Variants in FCRL5 observed in about 807,000 individuals in gnomAD.
The protein encoded by FCRL5 is Fc receptor-like protein 5.
Under a neutral mutation model 92.1 loss-of-function variants are expected in FCRL5, and 79 were observed. That is an observed-to-expected ratio of 0.86 (90% confidence interval 0.72 to 1.03). The LOEUF (loss-of-function observed/expected upper bound fraction) is 1.03, where lower values mean the gene tolerates loss of function less well. FCRL5 is among the 50% of genes least tolerant of loss of function. FCRL5 has a pLI of 0.00. For missense variants in FCRL5, 1,160 were observed against 1,181.1 expected, an observed-to-expected ratio of 0.98 and a Z score of 0.26; for synonymous variants, 466 against 469.3, an observed-to-expected ratio of 0.99 and a Z score of 0.09.
chr1:157,552,005 A>G (rs1651840830), intron 1 of FCRL5, among the ~76,000 whole-genome samples: 2 of 152,240 alleles, frequency 1.3e-5, no homozygotes, highest in Non-Finnish European at 2.9e-5. Flanking sequence ...GGGCTCTTCT[A>G]TGAGTAAGAC....
chr1:157,527,791 T>C lies in FCRL5; in HGVS notation c.1786A>G (p.Ile596Val), dbSNP rs986999398. 8 of 1,613,924 alleles carry C rather than the reference T, an allele frequency of 5.0e-6. No individual in the cohort carries two copies. Among genetic ancestry groups the C allele is most frequent in the East Asian group, 2.2e-5 (1 of 44,872 alleles). The change falls in exon 9 of 17, where the codon ATC becomes GTC. Residue 596 changes from isoleucine (I) to valine (V), a missense_variant. By Grantham distance (29) the Ile-to-Val change is conservative. Coordinates refer to ENST00000361835, the MANE Select transcript of FCRL5 (RefSeq NM_031281.3). ...TCCTCATGATAAAACCAGTACAGGA[T>C]TGGGGGAGAGCCTCTCGGGGCCTCA... ...HCEAPRGSPP[I>V]LYWFYHEDVT...
chr1:157,547,053 A>G lies in FCRL5; in HGVS notation c.197T>C (p.Ile66Thr). 3.1e-6 allele frequency: 5 copies of G among 1,614,112 alleles called. No homozygotes were observed. Among genetic ancestry groups the G allele is most frequent in the Non-Finnish European group, 4.2e-6 (5 of 1,180,020 alleles). ...GATATTGTCTGGGGTTTCTCTTAGT[A>G]TTTCTTTCCCAAGGTACCGATGGTA... is the stretch of plus-strand genomic sequence containing the variant. ...KWYHRYLGKE[I>T]LRETPDNILE... Residue 66 changes from isoleucine to threonine, a missense_variant, in exon 3 of 17, where the codon ATA (isoleucine) becomes ACA (threonine). By Grantham distance (89) the Ile-to-Thr change is moderately conservative. Transcript: ENST00000361835.
intron 8 of FCRL5, among the ~76,000 whole-genome samples, chr1:157,529,702 A>G (rs1475179326): frequency 6.6e-6 from 1 of 152,210 alleles, no homozygotes; most frequent in Non-Finnish European, 1.5e-5. Flanking sequence ...CCATTATTCT[A>G]AGTAACTCAG....
intron 6 of FCRL5, among the ~76,000 whole-genome samples, chr1:157,540,611 A>G (rs1313922765): frequency 6.6e-6 from 1 of 151,696 alleles, no homozygotes; most frequent in Non-Finnish European, 1.5e-5. Context: ...GCCTTTCTGT[A>G]GTCAGTCTTC....
In FCRL5 at chr1:157,524,502, C is replaced by T. The variant is rs1650343727; in HGVS notation, c.2016G>A (p.Val672=). 6.2e-7 allele frequency: 1 copy of T among 1,613,996 alleles called. No homozygotes were observed. The highest frequency in any genetic ancestry group is 8.5e-7 in the Non-Finnish European group (1 of 1,179,886). The change falls in exon 10 of 17, where the codon GTG becomes GTA. Residue 672 remains valine (V), a synonymous_variant. Coordinates refer to ENST00000361835, the MANE Select transcript of FCRL5 (RefSeq NM_031281.3). ...TFRAPRAQAV[V]GDLLELHCEA... is the part of the protein sequence containing the mutation. The stretch of plus-strand genomic sequence containing the variant: ...CACAGTGAAGCTCCAGCAGGTCCCC[C>T]ACCACAGCCTGGGCCCTGGGAGCCC...
chr1:157,527,477 G>A (rs2101609917), intron 9 of FCRL5, 140 bp downstream of exon 9: 1 of 770,204 alleles, frequency 1.3e-6, no homozygotes, highest in Non-Finnish European at 2.0e-6. Flanking sequence ...AAAACTTAGA[G>A]ATGGAGGCTG....
At chr1:157,524,074 A>G (rs142585075) in intron 10 of FCRL5, 9 of 546,896 alleles carry the variant, frequency 1.6e-5, no homozygotes, top group South Asian at 1.3e-4. Context: ...ATCATCTTCA[A>G]GAAGACTGCT....
chr1:157,550,197 C>T (rs1206145217), intron 1 of FCRL5, among the ~76,000 whole-genome samples: 1 of 152,072 alleles, frequency 6.6e-6, no homozygotes, highest in East Asian at 1.9e-4. Flanking sequence ...GAGAAGCATG[C>T]AGGGCCTGAG....
chr1:157,548,100 G>A (rs1651642214), intron 2 of FCRL5, among the ~76,000 whole-genome samples: 1 of 152,256 alleles, frequency 6.6e-6, no homozygotes, highest in Non-Finnish European at 1.5e-5. Context: ...CCATGGAGTT[G>A]AAGATGTCCT....
chr1:157,528,616 C>T (rs543240480), intron 8 of FCRL5: 1 of 152,290 alleles, frequency 6.6e-6, no homozygotes, highest in African/African-American at 2.4e-5. Context: ...TAAAAACAGA[C>T]AGGTAGACCA....
intron 15 of FCRL5, 142 bp from the exon 16 acceptor site, chr1:157,516,015 T>G: frequency 1.1e-6 from 1 of 873,456 alleles, no homozygotes; most frequent in Middle Eastern, 3.3e-4. Flanking sequence ...TAGTTGGTGC[T>G]CACCCAGTCC....
chr1:157,519,653 A>T (rs763522386), intron 13 of FCRL5, 90 bp downstream of exon 13: 18 of 1,418,346 alleles, frequency 1.3e-5, no homozygotes, highest in East Asian at 2.3e-5. Flanking sequence ...CCTGGCAGAA[A>T]CTGTGCTCTT....
chr1:157,552,246 T>C, intron 1 of FCRL5, 86 bp downstream of exon 1: 2 of 1,346,210 alleles, frequency 1.5e-6, no homozygotes, highest in Non-Finnish European at 2.1e-6. Flanking sequence ...CAGCAGGGGC[T>C]GAGCCCCAAG....
chr1:157,524,340 G>T lies in FCRL5; in HGVS notation c.2178C>A (p.Ser726=). ...SLTTEHSGIY[S]CEADNGLEAQ... ...CCTCCAGACCATTGTCTGCCTCACA[G>T]GAGTAGATTCCAGAATGTTCTGTAG... is the stretch of plus-strand genomic sequence containing the variant. Residue 726 remains serine (S), a synonymous_variant, in exon 10 of 17, where the codon TCC becomes TCA. Coordinates refer to ENST00000361835, the MANE Select transcript of FCRL5 (RefSeq NM_031281.3). The T allele has an allele frequency of 6.2e-7, 1 of 1,614,280 alleles. No individual in the cohort carries two copies. Among genetic ancestry groups the T allele is most frequent in the Admixed American group, 1.7e-5 (1 of 60,034 alleles).
chr1:157,520,073 C>T (rs577922295), intron 12 of FCRL5, among the ~76,000 whole-genome samples: 17 of 152,280 alleles, frequency 1.1e-4, no homozygotes, highest in African/African-American at 3.6e-4. Context: ...TTTAAAAAAT[C>T]GGAAAATTAC....
At chr1:157,518,089 A>G (rs1246754177) in intron 15 of FCRL5, among the ~76,000 whole-genome samples, 1 of 152,210 alleles carries the variant, frequency 6.6e-6, no homozygotes, top group East Asian at 1.9e-4. Flanking sequence ...CACCTAGTTT[A>G]TGGTACTCTG....
chr1:157,534,243 G>T (rs1389316299), intron 8 of FCRL5: 1 of 634,100 alleles, frequency 1.6e-6, no homozygotes, highest in Admixed American at 2.1e-5. Flanking sequence ...AGAATTTAAG[G>T]TCTTGACCAA....
chr1:157,536,047 T>C (rs375007931), intron 7 of FCRL5, among the ~76,000 whole-genome samples: 7 of 147,072 alleles, frequency 4.8e-5, no homozygotes, highest in Non-Finnish European at 8.9e-5. Context: ...ATTCAAGCAA[T>C]TCTCCTGCAT....
Position 157,547,124 on chromosome 1 carries a change from G to T in FCRL5, c.126C>A (p.Leu42=). 1 of 1,614,106 alleles carries T rather than the reference G, an allele frequency of 6.2e-7. No homozygotes were observed. The highest frequency in any genetic ancestry group is 1.1e-5 in the South Asian group (1 of 91,068). ...TTVFQGERVT[L]TCKGFRFYSP... ...AGTAGAAGCGAAATCCCTTGCAAGT[G>T]AGGGTCACTCTCTCTCCTTGGAAGA... Residue 42 remains leucine (L), a synonymous_variant, in exon 3 of 17, where the codon CTC becomes CTA. Coordinates refer to ENST00000361835, the MANE Select transcript of FCRL5 (RefSeq NM_031281.3).
Sources: allele counts gnomAD v4.1 joint callset (sites outside exome capture counted in the v4.1 genomes callset), GRCh38; gene constraint gnomAD v4.1.1; transcripts MANE v1.5; gene names NCBI Gene and HGNC (gene_info 2026-07-23, HGNC 2026-07-21).